MAPKAPK3: variants seen among roughly 807,000 people sequenced by gnomAD.
MAPKAPK3 encodes the protein MAPK activated protein kinase 3.
In MAPKAPK3, 35 loss-of-function variants were observed where a neutral mutation model predicts 49.2. The ratio of observed to expected loss-of-function variants is 0.71; its 90% CI spans 0.54 to 0.94. The LOEUF is 0.94. MAPKAPK3 is among the 40% of genes least tolerant of loss of function. MAPKAPK3 has a pLI of 0.00. For synonymous variants in MAPKAPK3, 178 were observed against 188.7 expected, an observed-to-expected ratio of 0.94 and a Z score of 0.46; for missense variants, 398 against 493.1, an observed-to-expected ratio of 0.81 and a Z score of 1.83.
rs914989895 is a variant in MAPKAPK3 at position 50,648,229 on chromosome 3, G to C, written c.*183G>C. The stretch of plus-strand genomic sequence containing the variant: ...ACCCTAAACCTCCTTCAGATCTCTG[G>C]CCCAGGCTCAAGCCCTAGAGATGGG... On this transcript the variant is annotated 3_prime_UTR_variant, in exon 11 of 11. Coordinates refer to ENST00000621469, the MANE Select transcript of MAPKAPK3 (RefSeq NM_001243925.2). The C allele has an allele frequency of 2.0e-4, 132 of 645,382 alleles. No individual in the cohort carries two copies. The South Asian group carries it at 2.7e-3, about 13-fold the overall frequency. The allele number at this position is 645,382 out of a possible 1,614,324, so 40.0% of individuals were successfully genotyped here. A position where few individuals can be genotyped will look rare whatever the true frequency, so the allele number is the denominator to read the frequency against.
intron 5 of MAPKAPK3, among the ~76,000 whole-genome samples, chr3:50,644,013 G>C (rs938858917): frequency 6.6e-6 from 1 of 152,132 alleles, no homozygotes; most frequent in African/African-American, 2.4e-5. Flanking sequence ...TGTCCTTCTA[G>C]CCCTGTAGGA....
intron 6 of MAPKAPK3, among the ~76,000 whole-genome samples, chr3:50,645,413 C>T (rs1019211023): frequency 5.9e-5 from 9 of 152,178 alleles, no homozygotes; most frequent in Admixed American, 5.9e-4. Context: ...CGGTAGCTTC[C>T]CACCAAGCCC....
upstream of MAPKAPK3, among the ~76,000 whole-genome samples, chr3:50,615,655 T>C (rs1453246847): frequency 2.0e-5 from 3 of 152,202 alleles, no homozygotes; most frequent in African/African-American, 7.2e-5. Context: ...TGACCTCCTC[T>C]AGGCTCTGTA....
At chr3:50,624,211 T>G (rs1369295016) in intron 2 of MAPKAPK3, among the ~76,000 whole-genome samples, 1 of 152,152 alleles carries the variant, frequency 6.6e-6, no homozygotes, top group Non-Finnish European at 1.5e-5. Context: ...ACCTCTGGTT[T>G]GAGAAGGATG....
chr3:50,622,461 C>G (rs954839170), intron 2 of MAPKAPK3, among the ~76,000 whole-genome samples: 2 of 152,202 alleles, frequency 1.3e-5, no homozygotes, highest in African/African-American at 4.8e-5. Flanking sequence ...GGCAATGGAA[C>G]CTTCTTTGAC....
rs746120393 is a variant in MAPKAPK3, at chr3:50,632,818, C to T, written c.220-7548C>T. On this transcript the variant is annotated intron_variant, in intron 2 of 10. Transcript: ENST00000621469. ...AACTGCTTGTCCAAGCTGGTAGCCT[C>T]GGCGCTTCCTGTATGTGAGAGATGG... Among the ~76,000 whole-genome samples the T allele has an allele frequency of 2.0e-4, 31 of 152,310 alleles. No homozygotes were observed. The Middle Eastern group carries it at 0.01, about 50-fold the overall frequency.
At chr3:50,632,067 G>A (rs764400666) in intron 2 of MAPKAPK3, among the ~76,000 whole-genome samples, 18 of 152,250 alleles carry the variant, frequency 1.2e-4, no homozygotes, top group Non-Finnish European at 2.2e-4. Flanking sequence ...CATGCCAGGC[G>A]ATAGCTGAGG....
chr3:50,633,279 C>G (rs749476373), intron 2 of MAPKAPK3, among the ~76,000 whole-genome samples: 6 of 152,052 alleles, frequency 3.9e-5, no homozygotes, highest in Non-Finnish European at 8.8e-5. Flanking sequence ...ATGGATAAAT[C>G]CTGTTCTCTG....
intron 1 of MAPKAPK3, 55 bp downstream of exon 1, chr3:50,617,296 A>G: frequency 2.8e-6 from 1 of 352,358 alleles, no homozygotes; most frequent in Non-Finnish European, 5.1e-6. Flanking sequence ...CGCGGCCATT[A>G]GGCGCCCGGC....
At chr3:50,640,047 G>A (rs976665427) in intron 2 of MAPKAPK3, among the ~76,000 whole-genome samples, 28 of 152,124 alleles carry the variant, frequency 1.8e-4, no homozygotes, top group African/African-American at 6.8e-4. Flanking sequence ...TGATTAGAGT[G>A]GGGTTATAAA....
chr3:50,639,416 G>C (rs1012784589), intron 2 of MAPKAPK3, among the ~76,000 whole-genome samples: 2 of 152,154 alleles, frequency 1.3e-5, no homozygotes, highest in African/African-American at 4.8e-5. Flanking sequence ...AGGTCACCTT[G>C]AGATGGCCCC....
At chr3:50,639,137 G>A (rs925132417) in intron 2 of MAPKAPK3, among the ~76,000 whole-genome samples, 1 of 152,178 alleles carries the variant, frequency 6.6e-6, no homozygotes, top group Admixed American at 6.5e-5. Flanking sequence ...CCTGATGCCC[G>A]CCCACTGGAT....
chr3:50,624,218 G>A (rs1469337459), intron 2 of MAPKAPK3, among the ~76,000 whole-genome samples: 1 of 152,228 alleles, frequency 6.6e-6, no homozygotes, highest in African/African-American at 2.4e-5. Flanking sequence ...GTTTGAGAAG[G>A]ATGTGGATGA....
chr3:50,642,270 C>T lies in MAPKAPK3; in HGVS notation c.442C>T (p.Arg148Trp), dbSNP rs765824190. Residue 148 changes from arginine (R) to tryptophan (W), a missense_variant, in exon 5 of 11, where the codon CGG (arginine) becomes TGG (tryptophan). Arg to Trp is a moderately radical substitution (Grantham distance 101, BLOSUM62 -3). This residue lies in a region of MAPKAPK3 where 52 missense variants were observed against 91.9 expected (regional missense o/e 0.57). Transcript: ENST00000621469. ...TTCTGCAGAAGCTGCAGAGATAATGCGGGATATTGGCACTGCCATCCAGTT... is the reference window on the plus strand; with the variant it reads ...TTCTGCAGAAGCTGCAGAGATAATGTGGGATATTGGCACTGCCATCCAGTT... ...FTEREAAEIM[R>W]DIGTAIQFLH... 2.9e-5 allele frequency: 46 copies of T among 1,612,874 alleles called. 1 individual carries two copies. The highest frequency in any genetic ancestry group is 5.5e-5 in the South Asian group (5 of 91,052).
chr3:50,641,840 A>G, intron 4 of MAPKAPK3, 69 bp downstream of exon 4: 1 of 1,323,376 alleles, frequency 7.6e-7, no homozygotes, highest in Non-Finnish European at 1.1e-6. Context: ...GTTGTGTGTG[A>G]TGCTAGGCAA....
At chr3:50,647,779 A>T (rs2033339221) in intron 10 of MAPKAPK3, 115 bp from the exon 11 acceptor site, 1 of 997,754 alleles carries the variant, frequency 1.0e-6, no homozygotes, top group Non-Finnish European at 1.5e-6. Flanking sequence ...CACAGTGGGC[A>T]CAGAGGCAGC....
chr3:50,621,368 G>A (rs974568425), intron 2 of MAPKAPK3, among the ~76,000 whole-genome samples: 2 of 152,120 alleles, frequency 1.3e-5, no homozygotes, highest in Non-Finnish European at 2.9e-5. Context: ...GAGGCGGGAG[G>A]ATCACTTGAA....
In MAPKAPK3 at chr3:50,646,810, CCA is replaced by C; in HGVS notation, c.902_903del (p.His301ProfsTer57). 1.9e-6 allele frequency: 3 copies of C among 1,614,048 alleles called. No individual in the cohort carries two copies. The highest frequency in any genetic ancestry group is 2.5e-6 in the Non-Finnish European group (3 of 1,180,028). Reference sequence around the variant, plus strand: ...GGCTGACCATCACTCAGTTCATGAACCACCCCTGGATCAACGTGAGCCCCTCC... The same window carrying C: ...GGCTGACCATCACTCAGTTCATGAACCCCCTGGATCAACGTGAGCCCCTCC... ...ERLTITQFMNHPWINQSMVVP... is the reference protein window; with the variant it reads ...ERLTITQFMNXPWINQSMVVP... On this transcript the variant is annotated frameshift_variant, in exon 9 of 11. Coordinates refer to ENST00000621469, the MANE Select transcript of MAPKAPK3 (RefSeq NM_001243925.2). LOFTEE classifies it high-confidence loss of function.
chr3:50,623,215 C>A (rs1026975796), intron 2 of MAPKAPK3, among the ~76,000 whole-genome samples: 4 of 152,212 alleles, frequency 2.6e-5, no homozygotes, highest in African/African-American at 9.7e-5. Flanking sequence ...AGTTTCACTG[C>A]CCCCTGGGTT....
Sources: gnomAD v4.1 joint callset for allele counts (sites outside exome capture counted in the v4.1 genomes callset) on GRCh38, gnomAD v4.1.1 for gene constraint, gnomAD v4.1.1 regional missense constraint, MANE v1.5 for transcripts, NCBI Gene and HGNC (gene_info 2026-07-23, HGNC 2026-07-21) for gene names.